Variants in STX2 observed in about 807,000 individuals in gnomAD.
STX2 encodes the protein syntaxin-2.
In STX2, 27 loss-of-function variants were observed where a neutral mutation model predicts 40.6. The ratio of observed to expected loss-of-function variants is 0.66; its 90% CI spans 0.49 to 0.92. The LOEUF (loss-of-function observed/expected upper bound fraction) is 0.92. Among genes scored for constraint, STX2 ranks in the 40% least tolerant of loss-of-function variants. The probability of loss-of-function intolerance (pLI) is 0.00; values close to 1 mark genes in which losing one functional copy is unlikely to be tolerated. For synonymous variants in STX2, 123 were observed against 119.1 expected (o/e 1.03, Z -0.22); for missense variants, 328 against 366.1 (o/e 0.90, Z 0.85).
intron 1 of STX2, among the ~76,000 whole-genome samples, chr12:130,835,244 G>A (rs961514225): frequency 1.3e-5 from 2 of 152,094 alleles, no homozygotes; most frequent in Non-Finnish European, 2.9e-5. Context: ...AGTAATGATC[G>A]TGCCCCTGCA....
intron 1 of STX2, among the ~76,000 whole-genome samples, chr12:130,830,893 T>C (rs1301463932): frequency 6.6e-6 from 1 of 152,238 alleles, no homozygotes; most frequent in Admixed American, 6.5e-5. Context: ...GAATACTCTC[T>C]ATATGACATA....
intron 3 of STX2, among the ~76,000 whole-genome samples, chr12:130,818,780 C>T (rs1951996248): frequency 6.6e-6 from 1 of 152,190 alleles, no homozygotes; most frequent in Non-Finnish European, 1.5e-5. Flanking sequence ...GCCGCAAGGA[C>T]GACCGCACCC....
At chr12:130,811,359 A>AAC (rs1951645593) in intron 4 of STX2, among the ~76,000 whole-genome samples, 1 of 148,490 alleles carries the variant, frequency 6.7e-6, no homozygotes, top group South Asian at 2.2e-4. Flanking sequence ...CTCTGTCTCA[A>AAC]AAAAAAAAAA....
chr12:130,834,348 C>T (rs944177769), intron 1 of STX2, among the ~76,000 whole-genome samples: 6 of 129,634 alleles, frequency 4.6e-5, no homozygotes, highest in African/African-American at 1.8e-4. Flanking sequence ...GAAAGCGACA[C>T]TCTGTCTCAA....
chr12:130,809,950 G>A (rs1951586316), intron 4 of STX2, among the ~76,000 whole-genome samples: 1 of 152,284 alleles, frequency 6.6e-6, no homozygotes, highest in East Asian at 1.9e-4. Flanking sequence ...GTTCGAGGCT[G>A]TAGTGCGCTA....
intron 4 of STX2, chr12:130,812,363 C>G (rs9668291): frequency 0.63 from 282,358 of 447,504 alleles, 93,253 homozygotes; most frequent in East Asian, 0.87. Context: ...GGAGCGGGTG[C>G]GGGTGGGAGC....
chr12:130,814,714 G>C (rs1160076592), intron 3 of STX2, among the ~76,000 whole-genome samples: 1 of 134,222 alleles, frequency 7.5e-6, no homozygotes, highest in Non-Finnish European at 1.5e-5. Context: ...TCGACTCGTT[G>C]CAACTTCCGC....
At chr12:130,826,846 C>CA (rs34678057) in intron 2 of STX2, among the ~76,000 whole-genome samples, 66,744 of 143,474 alleles carry the variant, frequency 0.47, 18,232 homozygotes, top group East Asian at 0.87. Flanking sequence ...ACTAAAAGTG[C>CA]AAAAAAAAAA....
intron 3 of STX2, among the ~76,000 whole-genome samples, chr12:130,816,285 TGA>T (rs373579873): frequency 2.4e-3 from 366 of 152,288 alleles, no homozygotes; most frequent in African/African-American, 8.5e-3. Context: ...TGCCAGTGGA[TGA>T]GAGTCTCCCT....
intron 10 of STX2, among the ~76,000 whole-genome samples, 187 bp downstream of exon 10, chr12:130,795,808 C>T (rs949074930): frequency 6.6e-6 from 1 of 152,172 alleles, no homozygotes; most frequent in African/African-American, 2.4e-5. Context: ...CCAGCCTGTG[C>T]TTGTTCTCAG....
chr12:130,809,073 C>T (rs1460398968), intron 4 of STX2, among the ~76,000 whole-genome samples: 4 of 152,162 alleles, frequency 2.6e-5, no homozygotes, highest in Non-Finnish European at 4.4e-5. Flanking sequence ...TGCCATGTTG[C>T]CCAGGCTGGT....
At chr12:130,800,615 A>G (rs944971221) in intron 8 of STX2, among the ~76,000 whole-genome samples, 6 of 152,226 alleles carry the variant, frequency 3.9e-5, no homozygotes, top group African/African-American at 1.4e-4. Context: ...CATTTCTCCT[A>G]GTTATTACTG....
intron 1 of STX2, among the ~76,000 whole-genome samples, chr12:130,838,191 T>C (rs1363586716): frequency 5.3e-5 from 8 of 152,190 alleles, no homozygotes; most frequent in African/African-American, 1.9e-4. Flanking sequence ...GTACCTGTAT[T>C]GTAAAGGGAA....
chr12:130,829,790 TAA>T (rs1952487105), intron 1 of STX2, among the ~76,000 whole-genome samples: 1 of 152,126 alleles, frequency 6.6e-6, no homozygotes, highest in Non-Finnish European at 1.5e-5. Flanking sequence ...ATCACCGCTT[TAA>T]GTCATTGACT....
At chr12:130,792,342 A>G (rs557267488) in intron 10 of STX2, among the ~76,000 whole-genome samples, 1 of 152,234 alleles carries the variant, frequency 6.6e-6, no homozygotes, top group Admixed American at 6.5e-5. Context: ...TACAGGCGTG[A>G]GGCACCAGGC....
intron 1 of STX2, among the ~76,000 whole-genome samples, chr12:130,829,006 T>C (rs1161724789): frequency 6.6e-6 from 1 of 152,050 alleles, no homozygotes; most frequent in Non-Finnish European, 1.5e-5. Context: ...CAAAACAGAA[T>C]GGCTGAAGGA....
intron 3 of STX2, among the ~76,000 whole-genome samples, chr12:130,818,185 A>AAAAAAAAATATATATATATATAT: frequency 2.8e-5 from 2 of 70,542 alleles, no homozygotes; most frequent in Non-Finnish European, 4.6e-5. Context: ...AAAAAAAAAA[A>AAAAAAAAATATATATATATATAT]ATATATATAT....
intron 2 of STX2, 131 bp from the exon 3 acceptor site, chr12:130,821,919 TCA>T (rs1410247250): frequency 3.4e-6 from 2 of 593,340 alleles, no homozygotes; most frequent in African/African-American, 3.7e-5. Context: ...TCTCCCATTC[TCA>T]CACTGGTATC....
intron 1 of STX2, among the ~76,000 whole-genome samples, chr12:130,830,442 C>T (rs556400200): frequency 6.6e-6 from 1 of 152,274 alleles, no homozygotes; most frequent in African/African-American, 2.4e-5. Context: ...CGTCAATCCT[C>T]CTCCACTCTG....
Sources: allele counts gnomAD v4.1 joint callset (sites outside exome capture counted in the v4.1 genomes callset), GRCh38; gene constraint gnomAD v4.1.1; transcripts MANE v1.5; gene names NCBI Gene and HGNC (gene_info 2026-07-23, HGNC 2026-07-21).